RGS20: variants seen among roughly 807,000 people sequenced by gnomAD.
RGS20 encodes gz-selective GTPase-activating protein.
A neutral mutation model predicts 33.6 loss-of-function variants in RGS20; 30 were observed. The ratio of observed to expected loss-of-function variants is 0.89; its 90% CI spans 0.67 to 1.21. RGS20 has a LOEUF of 1.21. Ranked by LOEUF, RGS20 falls within the 50% of genes most tolerant of loss-of-function variation. The pLI, the probability that RGS20 is intolerant of heterozygous loss-of-function variation, is 0.00. For missense variants in RGS20, 472 were observed against 502.4 expected (o/e 0.94, Z 0.58); for synonymous variants, 208 against 197.9 (o/e 1.05, Z -0.43).
In RGS20 at chr8:53,946,646, G is replaced by T; in HGVS notation, c.660-19G>T. 6.2e-7 allele frequency: 1 copy of T among 1,602,080 alleles called. No individual in the cohort carries two copies. The stretch of plus-strand genomic sequence containing the variant: ...GGCAGGGACTGAGCTGTCAACATGT[G>T]AATGTCTTTTTTTTGCAGTCTCACT... On this transcript the variant is annotated intron_variant, in intron 3 of 5. Transcript: ENST00000297313.
At chr8:53,863,222 G>A (rs1430887483) in intron 1 of RGS20, among the ~76,000 whole-genome samples, 4 of 152,044 alleles carry the variant, frequency 2.6e-5, no homozygotes, top group African/African-American at 4.8e-5. Context: ...CCGGACCTCA[G>A]GTGATCCGCC....
At chr8:53,945,491 G>C (rs1339422401) in intron 3 of RGS20, 1 of 152,210 alleles carries the variant, frequency 6.6e-6, no homozygotes, top group Non-Finnish European at 1.5e-5. Context: ...GTTTCTTTTG[G>C]GGGTGATGAC....
chr8:53,857,206 G>A (rs191307035), intron 1 of RGS20, among the ~76,000 whole-genome samples: 1 of 152,322 alleles, frequency 6.6e-6, no homozygotes, highest in African/African-American at 2.4e-5. Flanking sequence ...GGGCTCATTT[G>A]GAAGTCAGCC....
chr8:53,924,095 G>A (rs1813725429), intron 2 of RGS20, among the ~76,000 whole-genome samples: 2 of 151,790 alleles, frequency 1.3e-5, no homozygotes, highest in African/African-American at 2.4e-5. Context: ...ATAGTTCACT[G>A]CAGCCTTGAC....
chr8:53,865,266 C>T (rs1432578555), intron 1 of RGS20, among the ~76,000 whole-genome samples: 1 of 152,204 alleles, frequency 6.6e-6, no homozygotes, highest in Non-Finnish European at 1.5e-5. Context: ...TGGAGTGGCC[C>T]TCTTGTGTCA....
At chr8:53,948,548 ATATATGATACAGTACATATTTACATATGC>A (rs1814609853) in intron 4 of RGS20, among the ~76,000 whole-genome samples, 1 of 63,100 alleles carries the variant, frequency 1.6e-5, no homozygotes, top group Non-Finnish European at 2.7e-5. Flanking sequence ...TACATATGCT[ATATATGATACAGTACATATTTACATATGC>A]TATATATGAT....
intron 2 of RGS20, 90 bp from the exon 1 acceptor site, chr8:53,880,782 C>G: frequency 3.2e-6 from 4 of 1,234,870 alleles, no homozygotes; most frequent in Non-Finnish European, 4.2e-6. Context: ...ACCCCTAGCA[C>G]CCGCGGCGGT....
At chr8:53,906,905 A>G (rs1299371414) in intron 2 of RGS20, among the ~76,000 whole-genome samples, 1 of 152,194 alleles carries the variant, frequency 6.6e-6, no homozygotes, top group Non-Finnish European at 1.5e-5. Flanking sequence ...GAAGGCTTAC[A>G]GCTGAGAGTT....
intron 2 of RGS20, among the ~76,000 whole-genome samples, chr8:53,900,883 A>C (rs1812997758): frequency 6.6e-6 from 1 of 152,056 alleles, no homozygotes; most frequent in Non-Finnish European, 1.5e-5. Flanking sequence ...CAGCACTCAG[A>C]GGACTCCTCC....
chr8:53,951,773 T>C (rs938085122), intron 4 of RGS20, among the ~76,000 whole-genome samples: 2 of 151,982 alleles, frequency 1.3e-5, no homozygotes, highest in South Asian at 2.1e-4. Context: ...TCCCAGCACT[T>C]TGGGAGGCCG....
intron 2 of RGS20, among the ~76,000 whole-genome samples, chr8:53,892,016 ATCT>A (rs1812723244): frequency 6.6e-6 from 1 of 152,038 alleles, no homozygotes; most frequent in Non-Finnish European, 1.5e-5. Flanking sequence ...CATTAGGTAT[ATCT>A]CCTAATGCTA....
At chr8:53,943,996 T>TACACAC (rs113461310) in intron 3 of RGS20, among the ~76,000 whole-genome samples, 50 of 146,352 alleles carry the variant, frequency 3.4e-4, no homozygotes, top group African/African-American at 7.7e-4. Flanking sequence ...AAAATAGAGC[T>TACACAC]ACACACACAC....
chr8:53,927,465 A>T (rs1368753190), intron 2 of RGS20, among the ~76,000 whole-genome samples: 1 of 152,122 alleles, frequency 6.6e-6, no homozygotes, highest in Non-Finnish European at 1.5e-5. Context: ...TCATCCTCCT[A>T]AAGTGCTGGG....
chr8:53,942,016 G>A (rs972112952), intron 3 of RGS20, among the ~76,000 whole-genome samples: 6 of 152,350 alleles, frequency 3.9e-5, no homozygotes, highest in Non-Finnish European at 8.8e-5. Flanking sequence ...GCTCACGCCT[G>A]TAATCCCAGC....
chr8:53,949,735 T>TC (rs1814656378), intron 4 of RGS20, among the ~76,000 whole-genome samples: 6 of 150,474 alleles, frequency 4.0e-5, no homozygotes, highest in Admixed American at 4.0e-4. Flanking sequence ...AATCAATCAA[T>TC]AAAGGGAGAG....
intron 5 of RGS20, among the ~76,000 whole-genome samples, chr8:53,955,225 G>A (rs1370005057): frequency 2.6e-5 from 4 of 151,502 alleles, no homozygotes; most frequent in Admixed American, 6.6e-5. Context: ...AGGGCTCCAA[G>A]TGTCCTCTGA....
Position 53,865,604 on chromosome 8 carries a change from TTTTG to T in RGS20, c.165+13556_165+13559del, listed in dbSNP as rs966824635. Among the ~76,000 whole-genome samples the T allele has an allele frequency of 3.9e-5, 6 of 152,208 alleles. No individual in the cohort carries two copies. The South Asian group carries it at 1.2e-3, about 32-fold the overall frequency. On this transcript the variant is annotated intron_variant, in intron 1 of 5. Transcript: ENST00000297313. Reference sequence around the variant, plus strand: ...CTGCTTAGGTTTTTTTGTGGGGGTTTTTTGTTTGTTTGTTTGTTTTTGAGACAGA... The same window carrying T: ...CTGCTTAGGTTTTTTTGTGGGGGTTTTTTGTTTGTTTGTTTTTGAGACAGA...
At chr8:53,886,670 G>C (rs938490096) in intron 2 of RGS20, among the ~76,000 whole-genome samples, 21 of 152,210 alleles carry the variant, frequency 1.4e-4, no homozygotes, top group African/African-American at 5.1e-4. Context: ...CCGTCCAACA[G>C]TGAAGGAGTG....
At chr8:53,949,998 C>G (rs557664380) in intron 4 of RGS20, among the ~76,000 whole-genome samples, 9 of 151,934 alleles carry the variant, frequency 5.9e-5, no homozygotes, top group African/African-American at 2.2e-4. Flanking sequence ...CACCACCATG[C>G]CCAGCTAATT....
Sources: gnomAD v4.1 joint callset for allele counts (sites outside exome capture counted in the v4.1 genomes callset) on GRCh38, gnomAD v4.1.1 for gene constraint, MANE v1.5 for transcripts, NCBI Gene and HGNC (gene_info 2026-07-23, HGNC 2026-07-21) for gene names.